EXOC2: variants seen among roughly 807,000 people sequenced by gnomAD.
The protein encoded by EXOC2 is exocyst complex component 2.
In EXOC2, 70 loss-of-function variants were observed where a neutral mutation model predicts 131.8. The observed-to-expected ratio is 0.53, with a 90% confidence interval of 0.44 to 0.65. The LOEUF is 0.65. Among genes scored for constraint, EXOC2 ranks in the 30% least tolerant of loss-of-function variants. EXOC2 has a pLI of 0.00. For missense variants in EXOC2, 923 were observed against 1,108.6 expected (o/e 0.83, Z 2.38); for synonymous variants, 411 against 398.4 (o/e 1.03, Z -0.38).
chr6:546,102 T>C (rs1467351195), intron 22 of EXOC2, among the ~76,000 whole-genome samples: 1 of 152,130 alleles, frequency 6.6e-6, no homozygotes, highest in Admixed American at 6.5e-5. Context: ...TGGTGCATTA[T>C]AGATTATTTT....
chr6:642,040 C>T lies in EXOC2; in HGVS notation c.-43-4179G>A, dbSNP rs562785593. ...CCCGTCCACACTGCCTACTTCATCTCCACCACTCCTCTCCTCTGACATTCC... is the reference window on the plus strand; with the variant it reads ...CCCGTCCACACTGCCTACTTCATCTTCACCACTCCTCTCCTCTGACATTCC... On this transcript the variant is annotated intron_variant, in intron 1 of 27. Transcript: ENST00000230449. 2.6e-5 allele frequency among the ~76,000 whole-genome samples: 4 copies of T among 152,240 alleles called. No homozygotes were observed. The East Asian group carries it at 7.7e-4, about 29-fold the overall frequency.
intron 23 of EXOC2, among the ~76,000 whole-genome samples, chr6:527,057 T>C (rs1315033205): frequency 6.6e-6 from 1 of 152,246 alleles, no homozygotes; most frequent in Admixed American, 6.5e-5. Context: ...TGTGTGTATA[T>C]AAATGCATGT....
chr6:521,830 G>A (rs1023929777), intron 23 of EXOC2, among the ~76,000 whole-genome samples: 24 of 152,064 alleles, frequency 1.6e-4, no homozygotes, highest in Admixed American at 7.2e-4. Context: ...GCCTGGTCTC[G>A]AATTCTTTGT....
chr6:513,503 T>C lies in EXOC2; in HGVS notation c.2381-13803A>G, dbSNP rs144407497. 1.9e-3 allele frequency among the ~76,000 whole-genome samples: 286 copies of C among 152,350 alleles called. 1 individual carries two copies. Among genetic ancestry groups the C allele is most frequent in the Middle Eastern group, 3.4e-3 (1 of 294 alleles). Reference sequence around the variant, plus strand: ...ATATTAGTTTCTTTCATATCCATCATATTTAAAGTCCATGAAGGTAGCTTT... The same window carrying C: ...ATATTAGTTTCTTTCATATCCATCACATTTAAAGTCCATGAAGGTAGCTTT... On this transcript the variant is annotated intron_variant, in intron 23 of 27. Transcript: ENST00000230449.
intron 1 of EXOC2, among the ~76,000 whole-genome samples, chr6:661,813 G>A (rs1466072554): frequency 2.0e-5 from 3 of 152,114 alleles, no homozygotes. Flanking sequence ...CAATGCTAAC[G>A]CTGAAAGTAA....
chr6:660,313 C>A (rs1048029851), intron 1 of EXOC2, among the ~76,000 whole-genome samples: 1 of 152,136 alleles, frequency 6.6e-6, no homozygotes, highest in Non-Finnish European at 1.5e-5. Context: ...CTGGAAAGCA[C>A]CACCTCCTGG....
intron 17 of EXOC2, among the ~76,000 whole-genome samples, chr6:557,490 C>T (rs552397156): frequency 4.6e-5 from 7 of 151,616 alleles, no homozygotes; most frequent in South Asian, 2.1e-4. Context: ...TGGTGGCACG[C>T]GCCTGTAGTC....
chr6:602,981 T>C (rs543190331), intron 7 of EXOC2, among the ~76,000 whole-genome samples: 4 of 152,204 alleles, frequency 2.6e-5, no homozygotes, highest in Non-Finnish European at 5.9e-5. Flanking sequence ...CCTAGTCCTG[T>C]AATTCTGATG....
At chr6:684,108 C>G (rs1764536076) in intron 1 of EXOC2, among the ~76,000 whole-genome samples, 1 of 152,216 alleles carries the variant, frequency 6.6e-6, no homozygotes, top group Non-Finnish European at 1.5e-5. Context: ...ACAGCGCCAG[C>G]TGAACTCCCT....
intron 27 of EXOC2, among the ~76,000 whole-genome samples, chr6:487,000 C>T (rs1471339850): frequency 6.6e-6 from 1 of 152,180 alleles, no homozygotes; most frequent in Admixed American, 6.5e-5. Context: ...CTTCCTATCC[C>T]CTCCCAAGAT....
chr6:578,907 T>C (rs753666281), intron 11 of EXOC2, among the ~76,000 whole-genome samples: 15 of 152,134 alleles, frequency 9.9e-5, no homozygotes, highest in Non-Finnish European at 1.6e-4. Context: ...CTTCTATCAA[T>C]TGTGGAATTC....
chr6:501,500 A>ATT, intron 23 of EXOC2, among the ~76,000 whole-genome samples: 1 of 96 alleles, frequency 0.01, no homozygotes, highest in Non-Finnish European at 0.018. Context: ...TATTATATAT[A>ATT]TCTATATATT....
In EXOC2 at chr6:487,122, C is replaced by T. The variant is rs372921870; in HGVS notation, c.2682-358G>A. ...ACTTTTTGTTAGATGGTTCTATGAA[C>T]GCTGGCAAAGCCATACCGGAGTGTA... is the stretch of plus-strand genomic sequence containing the variant. On this transcript the variant is annotated intron_variant, in intron 27 of 27. Transcript: ENST00000230449. Among the ~76,000 whole-genome samples, 42 of 152,234 alleles carry T rather than the reference C, an allele frequency of 2.8e-4. No homozygotes were observed. The South Asian group carries it at 4.2e-3, about 15-fold the overall frequency.
intron 11 of EXOC2, among the ~76,000 whole-genome samples, chr6:585,801 A>C (rs1385707135): frequency 6.6e-6 from 1 of 152,252 alleles, no homozygotes; most frequent in African/African-American, 2.4e-5. Context: ...CGTTTGAAAT[A>C]TTTATAGTCT....
At chr6:595,501 T>C (rs1007478160) in intron 10 of EXOC2, among the ~76,000 whole-genome samples, 2 of 152,082 alleles carry the variant, frequency 1.3e-5, no homozygotes, top group African/African-American at 2.4e-5. Flanking sequence ...TTTTGCTCTT[T>C]TGCCTTTAAG....
rs115064283 is a variant in EXOC2 at position 643,726 on chromosome 6, A to G, written c.-43-5865T>C. 3.6e-4 allele frequency among the ~76,000 whole-genome samples: 55 copies of G among 152,124 alleles called. 1 individual carries two copies. The East Asian group carries it at 0.01, about 28-fold the overall frequency. On this transcript the variant is annotated intron_variant, in intron 1 of 27. Transcript: ENST00000230449. ...AAAATAAACAGTGGAAACCAATAAC[A>G]TAAGTAAAAAGAATTTGAAAAAAAT...
rs9392714 is a variant in EXOC2, at chr6:629,556, T to C, written c.422+279A>G. Among the ~76,000 whole-genome samples the C allele has an allele frequency of 1.2e-3, 176 of 152,312 alleles. 2 individuals are homozygous for C. The East Asian group carries it at 0.033, about 28-fold the overall frequency. The stretch of plus-strand genomic sequence containing the variant: ...CCATCTACCTATTTAAACTTAACCA[T>C]CTCTAGACAACATACTAAAGACTTT... On this transcript the variant is annotated intron_variant, in intron 4 of 27. Transcript: ENST00000230449.
chr6:510,716 T>C (rs1435031877), intron 23 of EXOC2, among the ~76,000 whole-genome samples: 2 of 152,222 alleles, frequency 1.3e-5, no homozygotes, highest in African/African-American at 4.8e-5. Context: ...ACACTTAGCA[T>C]AGAATACGTT....
At chr6:647,068 T>G (rs59825809) in intron 1 of EXOC2, among the ~76,000 whole-genome samples, 2,304 of 152,288 alleles carry the variant, frequency 0.015, 64 homozygotes, top group African/African-American at 0.051. Context: ...GGAAAATACT[T>G]TCTTCAATTG....
Sources: gnomAD v4.1 joint callset for allele counts (sites outside exome capture counted in the v4.1 genomes callset) on GRCh38, gnomAD v4.1.1 for gene constraint, MANE v1.5 for transcripts, NCBI Gene and HGNC (gene_info 2026-07-23, HGNC 2026-07-21) for gene names.